The following SERPINI2 variants were observed in gnomAD, a reference collection of about 807,000 sequenced individuals.
The protein encoded by SERPINI2 is serpin family I member 2.
Under a neutral mutation model 47.3 loss-of-function variants are expected in SERPINI2, and 48 were observed. The observed-to-expected ratio is 1.02, with a 90% CI of 0.81 to 1.29. SERPINI2 has a LOEUF of 1.29. SERPINI2 is among the 50% of genes most tolerant of loss of function. SERPINI2 has a pLI of 0.00. For synonymous variants in SERPINI2, 135 were observed against 149.3 expected (o/e 0.90, Z 0.70); for missense variants, 448 against 456.9 (o/e 0.98, Z 0.18).
chr3:167,474,154 A>G, upstream of SERPINI2: 3 of 988,532 alleles, frequency 3.0e-6, no homozygotes, highest in Non-Finnish European at 3.6e-6. Context: ...GCAGGTGTTC[A>G]CTACATTTGT....
chr3:167,470,188 G>A (rs533130500), intron 2 of SERPINI2, among the ~76,000 whole-genome samples: 3 of 152,106 alleles, frequency 2.0e-5, no homozygotes, highest in East Asian at 1.9e-4. Context: ...GTGGTATATT[G>A]GGATTTGCTG....
chr3:167,458,684 C>G (rs911363940), intron 5 of SERPINI2, among the ~76,000 whole-genome samples: 2 of 152,030 alleles, frequency 1.3e-5, no homozygotes, highest in Admixed American at 6.6e-5. Flanking sequence ...CAGTAGAATC[C>G]CAATCAATGT....
At chr3:167,456,450 G>A (rs1749795115) in intron 5 of SERPINI2, among the ~76,000 whole-genome samples, 1 of 152,096 alleles carries the variant, frequency 6.6e-6, no homozygotes, top group Non-Finnish European at 1.5e-5. Context: ...GGCTGGCCAA[G>A]CCTAGAATTA....
intron 7 of SERPINI2, 21 bp from the exon 8 acceptor site, chr3:167,446,502 T>C: frequency 7.1e-7 from 1 of 1,413,656 alleles, no homozygotes; most frequent in East Asian, 2.3e-5. Flanking sequence ...GAGACAACAG[T>C]TATTTAGATA....
chr3:167,455,602 A>AAAAAAG (rs550087959), intron 5 of SERPINI2, among the ~76,000 whole-genome samples: 82 of 150,958 alleles, frequency 5.4e-4, no homozygotes, highest in Admixed American at 1.3e-3. Flanking sequence ...TCAAAAAAAA[A>AAAAAAG]AAAAGAAAAG....
At chr3:167,443,399 G>A (rs1438716932) in intron 8 of SERPINI2, among the ~76,000 whole-genome samples, 5 of 152,128 alleles carry the variant, frequency 3.3e-5, no homozygotes, top group African/African-American at 1.2e-4. Context: ...GAGCCACCGC[G>A]CCTGGCCCAG....
intron 5 of SERPINI2, among the ~76,000 whole-genome samples, chr3:167,457,948 G>A (rs1248171754): frequency 6.6e-6 from 1 of 152,122 alleles, no homozygotes; most frequent in Admixed American, 6.5e-5. Flanking sequence ...ATGAGGAAGA[G>A]GGAAATTTTT....
intron 5 of SERPINI2, among the ~76,000 whole-genome samples, chr3:167,456,150 CTGTGTG>C (rs68048909): frequency 0.017 from 2,430 of 144,476 alleles, 41 homozygotes; most frequent in African/African-American, 0.038. Flanking sequence ...TCAATTACCT[CTGTGTG>C]TGTGTGTGTG....
intron 2 of SERPINI2, among the ~76,000 whole-genome samples, chr3:167,468,624 T>G (rs1198707511): frequency 6.6e-6 from 1 of 152,196 alleles, no homozygotes; most frequent in African/African-American, 2.4e-5. Flanking sequence ...AAAAAAAACT[T>G]ACTTCCATAT....
At position 167,447,442 on chromosome 3, in the gene SERPINI2, G is replaced by A. The variant is rs868148180; in HGVS notation, c.1052-961C>T. Among the ~76,000 whole-genome samples the A allele has an allele frequency of 4.1e-4, 63 of 152,208 alleles. No homozygotes were observed. In the South Asian group the frequency reaches 4.6e-3, roughly 11 times the overall value. The stretch of plus-strand genomic sequence containing the variant: ...TTTGCTTTTGAGCAGTCCGTGAGTG[G>A]ATTTCTGAAAGTCAAAATACCCAGA... On this transcript the variant is annotated intron_variant, in intron 7 of 8. Coordinates refer to ENST00000264677, the Ensembl canonical transcript of SERPINI2.
intron 5 of SERPINI2, among the ~76,000 whole-genome samples, chr3:167,459,235 C>T (rs1387724757): frequency 7.9e-5 from 12 of 151,858 alleles, no homozygotes; most frequent in African/African-American, 2.2e-4. Context: ...CCACTATGCC[C>T]GGCTAATTTT....
At chr3:167,452,431 A>G (rs767150251) in intron 6 of SERPINI2, among the ~76,000 whole-genome samples, 10 of 152,204 alleles carry the variant, frequency 6.6e-5, no homozygotes, top group African/African-American at 9.7e-5. Context: ...ATCTTCTCAG[A>G]TATGTTGTCA....
rs1008890141 is a variant in SERPINI2 at position 167,442,284 on chromosome 3, T to G, written c.1142-99A>C. On this transcript the variant is annotated intron_variant, in intron 8 of 8. Coordinates refer to ENST00000264677, the Ensembl canonical transcript of SERPINI2. ...TAATATTTAACATGTCATTTGGTCT[T>G]TTTTCTCTGTAAGATAAATAGGCAG... 1.3e-5 allele frequency: 11 copies of G among 822,850 alleles called. No individual in the cohort carries two copies. The South Asian group carries it at 2.3e-4, about 17-fold the overall frequency. The allele number at this position is 822,850 out of a possible 1,614,324, so 51.0% of individuals were successfully genotyped here.
chr3:167,470,629 T>C (rs1750286636), intron 2 of SERPINI2, among the ~76,000 whole-genome samples: 1 of 142,914 alleles, frequency 7.0e-6, no homozygotes, highest in African/African-American at 2.6e-5. Context: ...TGGCACGATC[T>C]CAGCTCACTG....
In SERPINI2 at chr3:167,456,777, G is replaced by T. The variant is rs189694273; in HGVS notation, c.867-3744C>A. ...TCAAATTGATTGAGGAATTTAATGC[G>T]ATATGATGGGGGGCCACCTATTACA... is the stretch of plus-strand genomic sequence containing the variant. On this transcript the variant is annotated intron_variant, in intron 5 of 8. Coordinates refer to ENST00000264677, the Ensembl canonical transcript of SERPINI2. 1.5e-3 allele frequency among the ~76,000 whole-genome samples: 223 copies of T among 152,258 alleles called. 3 individuals carry two copies. Among genetic ancestry groups the T allele is most frequent in the Non-Finnish European group, 1.3e-4 (9 of 68,012 alleles).
upstream of SERPINI2, among the ~76,000 whole-genome samples, chr3:167,474,886 C>G (rs73878715): frequency 0.015 from 2,210 of 151,704 alleles, 45 homozygotes; most frequent in African/African-American, 0.049. Context: ...ATTTAGTTCA[C>G]TTTTAATTAA....
intron 5 of SERPINI2, among the ~76,000 whole-genome samples, chr3:167,455,939 C>T (rs960338388): frequency 6.6e-6 from 1 of 152,168 alleles, no homozygotes; most frequent in African/African-American, 2.4e-5. Flanking sequence ...CAGGCCCCAT[C>T]TCCAACACTG....
At chr3:167,444,379 G>A (rs569020386) in intron 8 of SERPINI2, among the ~76,000 whole-genome samples, 15 of 152,164 alleles carry the variant, frequency 9.9e-5, no homozygotes, top group Non-Finnish European at 1.9e-4. Flanking sequence ...TTGCACAAAA[G>A]GACTGTTTGG....
chr3:167,458,316 T>G (rs1234296036), intron 5 of SERPINI2, among the ~76,000 whole-genome samples: 1 of 149,420 alleles, frequency 6.7e-6, no homozygotes, highest in African/African-American at 2.5e-5. Context: ...AGTGGCATGA[T>G]CTGGGCTCTC....
Sources: allele counts gnomAD v4.1 joint callset (sites outside exome capture counted in the v4.1 genomes callset), GRCh38; gene constraint gnomAD v4.1.1; transcripts MANE v1.5; gene names NCBI Gene and HGNC (gene_info 2026-07-23, HGNC 2026-07-21).